MPPED2: variants seen among roughly 807,000 people sequenced by gnomAD.
The protein encoded by MPPED2 is metallophosphoesterase domain containing 2, also known as metallophosphoesterase MPPED2.
MPPED2 carries 5 observed loss-of-function variants against 33.0 expected under a neutral mutation model. The observed-to-expected ratio is 0.15, with a 90% CI of 0.08 to 0.32. The LOEUF (loss-of-function observed/expected upper bound fraction) is 0.32, where lower values mean the gene tolerates loss of function less well. Ranked by LOEUF, MPPED2 falls within the 10% of genes least tolerant of loss-of-function variation. The pLI is 1.00. For missense variants in MPPED2, 275 were observed against 372.1 expected (o/e 0.74, Z 2.15); for synonymous variants, 136 against 141.9 (o/e 0.96, Z 0.29).
intron 4 of MPPED2, among the ~76,000 whole-genome samples, chr11:30,450,265 A>G (rs1452792612): frequency 6.6e-6 from 1 of 152,212 alleles, no homozygotes; most frequent in African/African-American, 2.4e-5. Context: ...TTAATCAAAG[A>G]GCCTAAAACC....
intron 2 of MPPED2, among the ~76,000 whole-genome samples, chr11:30,575,718 C>G (rs1258316038): frequency 2.0e-5 from 3 of 152,226 alleles, no homozygotes; most frequent in Non-Finnish European, 4.4e-5. Context: ...AGGAAGGCCA[C>G]TGTGATTCCA....
At chr11:30,529,255 A>G (rs1445632196) in intron 3 of MPPED2, among the ~76,000 whole-genome samples, 1 of 152,232 alleles carries the variant, frequency 6.6e-6, no homozygotes, top group Non-Finnish European at 1.5e-5. Context: ...AACAGAAAGT[A>G]GAAAAAATTT....
chr11:30,386,616 G>A (rs1947705252), exon 7 of MPPED2: 1 of 397,700 alleles, frequency 2.5e-6, no homozygotes, highest in African/African-American at 2.1e-5. Flanking sequence ...CCAGCACCTA[G>A]AACAGTGTCT....
Position 30,507,007 on chromosome 11 carries a change from A to C in MPPED2, c.311-11486T>G, listed in dbSNP as rs189369545. Among the ~76,000 whole-genome samples the C allele has an allele frequency of 4.5e-3, 693 of 152,364 alleles. 3 individuals are homozygous for C. The highest frequency in any genetic ancestry group is 0.014 in the Middle Eastern group (4 of 294). ...AAATTGAAAAAGAACATATTTGGCT[A>C]ATATTACATTAGACTAAAATATAGA... On this transcript the variant is annotated intron_variant, in intron 3 of 6. Transcript: ENST00000358117.
rs1950091669 is a variant in MPPED2 at position 30,452,199 on chromosome 11, T to C, written c.537-34566A>G. On this transcript the variant is annotated intron_variant, in intron 4 of 6. Coordinates refer to ENST00000358117, the MANE Select transcript of MPPED2 (RefSeq NM_001584.3). ...CTTGAGCTCCAAACAGAATCCTCCC[T>C]GCACCCAGCACTCTGGCTGCACTGA... is the stretch of plus-strand genomic sequence containing the variant. 3 of 549,588 alleles carry C rather than the reference T, an allele frequency of 5.5e-6. No homozygotes were observed. In the South Asian group the frequency reaches 2.4e-4, roughly 44 times the overall value. The allele number at this position is 549,588 out of a possible 1,614,324, so 34.0% of individuals were successfully genotyped here. A position where few individuals can be genotyped will look rare whatever the true frequency, so the allele number is the denominator to read the frequency against.
At chr11:30,477,057 T>G (rs897258511) in intron 4 of MPPED2, among the ~76,000 whole-genome samples, 13 of 152,162 alleles carry the variant, frequency 8.5e-5, no homozygotes, top group African/African-American at 3.1e-4. Context: ...TTGGTTTTTG[T>G]ATCTTAATCC....
chr11:30,573,213 G>T (rs781064087), intron 2 of MPPED2, among the ~76,000 whole-genome samples: 1 of 152,104 alleles, frequency 6.6e-6, no homozygotes, highest in Admixed American at 6.6e-5. Context: ...ATCGCCTAAT[G>T]ACATTAGCTG....
intron 4 of MPPED2, among the ~76,000 whole-genome samples, chr11:30,474,670 T>G (rs180888483): frequency 6.6e-6 from 1 of 152,034 alleles, no homozygotes; most frequent in African/African-American, 2.4e-5. Context: ...AAGAGGAGTC[T>G]GTCTACAGAT....
intron 4 of MPPED2, among the ~76,000 whole-genome samples, chr11:30,488,588 G>C (rs1285270974): frequency 6.6e-6 from 1 of 152,202 alleles, no homozygotes; most frequent in East Asian, 1.9e-4. Context: ...TCAATGGCGA[G>C]GTAGGAAGCA....
At chr11:30,533,179 G>A (rs1185309676) in intron 3 of MPPED2, among the ~76,000 whole-genome samples, 1 of 152,164 alleles carries the variant, frequency 6.6e-6, no homozygotes, top group Non-Finnish European at 1.5e-5. Flanking sequence ...CTAGCTGAGT[G>A]TACTTGGGTG....
At chr11:30,494,830 G>T (rs1210426410) in intron 4 of MPPED2, among the ~76,000 whole-genome samples, 1 of 151,460 alleles carries the variant, frequency 6.6e-6, no homozygotes, top group Non-Finnish European at 1.5e-5. Flanking sequence ...CTCTATGTTG[G>T]ATATTTTTTG....
chr11:30,521,828 T>C (rs1030775153), intron 3 of MPPED2, among the ~76,000 whole-genome samples: 1 of 152,182 alleles, frequency 6.6e-6, no homozygotes, highest in African/African-American at 2.4e-5. Flanking sequence ...GGGACATAGA[T>C]ACTGCCCCTT....
chr11:30,430,725 A>G (rs1203252809), intron 4 of MPPED2, among the ~76,000 whole-genome samples: 1 of 152,246 alleles, frequency 6.6e-6, no homozygotes, highest in Non-Finnish European at 1.5e-5. Context: ...TGGTTAAAAA[A>G]TTTGCCATGA....
chr11:30,568,000 T>C (rs547912155), intron 2 of MPPED2, among the ~76,000 whole-genome samples: 2 of 152,304 alleles, frequency 1.3e-5, no homozygotes, highest in South Asian at 2.1e-4. Context: ...AAAAAACTTA[T>C]AGTGATGATG....
intron 6 of MPPED2, among the ~76,000 whole-genome samples, chr11:30,412,636 C>T (rs533935939): frequency 6.6e-6 from 1 of 152,250 alleles, no homozygotes; most frequent in South Asian, 2.1e-4. Flanking sequence ...AAAATCTGCG[C>T]TGTTTAGTTC....
intron 1 of MPPED2, among the ~76,000 whole-genome samples, chr11:30,582,830 G>C (rs1459184454): frequency 6.6e-6 from 1 of 152,156 alleles, no homozygotes; most frequent in Non-Finnish European, 1.5e-5. Context: ...TCATCAGCAA[G>C]CACAGGCCCC....
At chr11:30,536,834 G>A (rs1046401004) in intron 2 of MPPED2, among the ~76,000 whole-genome samples, 4 of 151,616 alleles carry the variant, frequency 2.6e-5, no homozygotes, top group African/African-American at 7.3e-5. Flanking sequence ...TGTCAAACTC[G>A]TTTTTACTGC....
chr11:30,507,710 T>C (rs529976426), intron 3 of MPPED2, among the ~76,000 whole-genome samples: 2 of 152,306 alleles, frequency 1.3e-5, no homozygotes, highest in South Asian at 4.1e-4. Flanking sequence ...TCAGAGCCAC[T>C]AAGACTTCCT....
intron 2 of MPPED2, among the ~76,000 whole-genome samples, chr11:30,553,250 T>C (rs1955801453): frequency 6.6e-6 from 1 of 152,224 alleles, no homozygotes; most frequent in African/African-American, 2.4e-5. Context: ...TTATATTTTC[T>C]TTTTTAAAAA....
Sources: gnomAD v4.1 joint callset for allele counts (sites outside exome capture counted in the v4.1 genomes callset) on GRCh38, gnomAD v4.1.1 for gene constraint, MANE v1.5 for transcripts, NCBI Gene and HGNC (gene_info 2026-07-23, HGNC 2026-07-21) for gene names.